The following EPB41 variants were observed in gnomAD, a reference collection of about 807,000 sequenced individuals.
EPB41 encodes erythrocyte membrane protein band 4.1.
A neutral mutation model predicts 108.0 loss-of-function variants in EPB41; 65 were observed. The ratio of observed to expected loss-of-function variants is 0.60; its 90% CI spans 0.49 to 0.74. The LOEUF (loss-of-function observed/expected upper bound fraction) is 0.74, where lower values mean the gene tolerates loss of function less well. Ranked by LOEUF, EPB41 falls within the 30% of genes least tolerant of loss-of-function variation. The pLI is 0.00. For synonymous variants in EPB41, 336 were observed against 358.9 expected (o/e 0.94, Z 0.72); for missense variants, 875 against 1,037.0 (o/e 0.84, Z 2.15).
intron 1 of EPB41, among the ~76,000 whole-genome samples, chr1:28,942,598 A>G (rs2094333656): frequency 6.6e-6 from 1 of 152,248 alleles, no homozygotes; most frequent in Non-Finnish European, 1.5e-5. Flanking sequence ...ACGATCTTAC[A>G]TGTGTTCAGC....
At chr1:29,060,981 G>A (rs931368659) in intron 15 of EPB41, among the ~76,000 whole-genome samples, 1 of 152,010 alleles carries the variant, frequency 6.6e-6, no homozygotes, top group Non-Finnish European at 1.5e-5. Context: ...AGGAAAGAGG[G>A]GAGCCTAGCA....
At chr1:29,019,513 G>T (rs2096616717) in intron 7 of EPB41, among the ~76,000 whole-genome samples, 2 of 152,134 alleles carry the variant, frequency 1.3e-5, no homozygotes, top group African/African-American at 2.4e-5. Flanking sequence ...ACTTGCTATA[G>T]CTTAGTTCTG....
chr1:29,060,584 A>G, intron 15 of EPB41, 100 bp downstream of exon 15: 1 of 1,031,640 alleles, frequency 9.7e-7, no homozygotes, highest in Non-Finnish European at 1.5e-6. Flanking sequence ...TTGGTTTTGC[A>G]TGCAATTGCA....
intron 3 of EPB41, among the ~76,000 whole-genome samples, chr1:28,994,975 A>G (rs1204082309): frequency 1.1e-5 from 1 of 92,106 alleles, no homozygotes; most frequent in Non-Finnish European, 2.1e-5. Flanking sequence ...TCTTAATCAC[A>G]TTATTTATTT....
chr1:29,079,154 C>T (rs1191874015), intron 16 of EPB41, among the ~76,000 whole-genome samples: 1 of 151,948 alleles, frequency 6.6e-6, no homozygotes, highest in Admixed American at 6.6e-5. Context: ...TGCCACCACG[C>T]TCAGCTAATT....
chr1:28,894,360 TA>T (rs2090449378), intron 1 of EPB41, among the ~76,000 whole-genome samples: 1 of 152,198 alleles, frequency 6.6e-6, no homozygotes, highest in African/African-American at 2.4e-5. Context: ...TGTATTGGAT[TA>T]AATGGCTAAT....
chr1:28,993,342 G>A lies in EPB41; in HGVS notation c.481G>A (p.Glu161Lys). The A allele has an allele frequency of 6.2e-7, 1 of 1,612,602 alleles. No individual in the cohort carries two copies. Among genetic ancestry groups the A allele is most frequent in the South Asian group, 1.1e-5 (1 of 90,984 alleles). The change falls in exon 3 of 21, where the codon GAA becomes AAA. Residue 161 changes from glutamate to lysine, a missense_variant. Glu to Lys is a moderately conservative substitution (Grantham distance 56). Around this residue, in one of 3 missense-constraint regions of EPB41, gnomAD observed 353 missense variants for 393.2 expected, o/e 0.90. Coordinates refer to ENST00000343067, the MANE Select transcript of EPB41 (RefSeq NM_001376013.1). Reference protein sequence around the residue: ...SSAETQPAQEELREDPDFEIK... With the variant: ...SSAETQPAQEKLREDPDFEIK... The stretch of plus-strand genomic sequence containing the variant: ...CATGGATATGTAGCCTGCTCAGGAA[G>A]AACTCAGAGAAGATCCAGATTTTGA...
chr1:28,995,805 G>A (rs1168437596), intron 3 of EPB41, among the ~76,000 whole-genome samples: 1 of 152,080 alleles, frequency 6.6e-6, no homozygotes, highest in Admixed American at 6.5e-5. Flanking sequence ...TTATGAATAA[G>A]GGATTAGGGA....
chr1:28,973,290 A>G (rs535318455), intron 1 of EPB41, among the ~76,000 whole-genome samples: 2 of 152,316 alleles, frequency 1.3e-5, no homozygotes, highest in East Asian at 3.9e-4. Flanking sequence ...AGTTTATAAT[A>G]TAGCCCTTCT....
At chr1:28,913,231 G>C (rs537553532), upstream of EPB41, among the ~76,000 whole-genome samples, 1 of 152,036 alleles carries the variant, frequency 6.6e-6, no homozygotes, top group South Asian at 2.1e-4. Flanking sequence ...GGCGGATCAC[G>C]AGGTCAGGAG....
intron 1 of EPB41, among the ~76,000 whole-genome samples, chr1:28,906,066 C>G (rs203297): frequency 0.43 from 64,823 of 151,870 alleles, 15,876 homozygotes; most frequent in East Asian, 0.85. Context: ...TGATCCACCT[C>G]CCTCGGCCTC....
intron 18 of EPB41, among the ~76,000 whole-genome samples, chr1:29,110,387 G>A (rs1349944663): frequency 6.6e-6 from 1 of 151,878 alleles, no homozygotes; most frequent in African/African-American, 2.4e-5. Flanking sequence ...TCAGCTTCAG[G>A]GAAATTATTT....
intron 11 of EPB41, among the ~76,000 whole-genome samples, chr1:29,051,742 CA>C (rs1644548314): frequency 6.6e-6 from 1 of 151,774 alleles, no homozygotes; most frequent in South Asian, 2.1e-4. Flanking sequence ...ACTAAAGATA[CA>C]AAAAATTAGC....
intron 17 of EPB41, among the ~76,000 whole-genome samples, chr1:29,106,563 G>GGTTTTTT (rs1558324414): frequency 8.1e-5 from 3 of 37,146 alleles, no homozygotes; most frequent in East Asian, 6.0e-4. Flanking sequence ...GAGTAGCTGG[G>GGTTTTTT]ATTTTTTTTT....
chr1:29,101,448 G>A (rs1335834356), intron 17 of EPB41, among the ~76,000 whole-genome samples: 1 of 152,172 alleles, frequency 6.6e-6, no homozygotes, highest in Non-Finnish European at 1.5e-5. Flanking sequence ...CTTAGTGTCA[G>A]TATGCTTCCC....
At chr1:29,070,959 T>C in intron 16 of EPB41, 1 of 186,916 alleles carries the variant, frequency 5.3e-6, no homozygotes. Flanking sequence ...CTATCCAATA[T>C]CTCACACAAA....
At chr1:28,996,634 T>C (rs982255930) in intron 3 of EPB41, among the ~76,000 whole-genome samples, 7 of 152,132 alleles carry the variant, frequency 4.6e-5, no homozygotes, top group African/African-American at 1.7e-4. Context: ...GGAAGGAAGG[T>C]AGAATTTTGC....
At chr1:29,092,682 T>G (rs1661720066) in intron 16 of EPB41, among the ~76,000 whole-genome samples, 3 of 152,218 alleles carry the variant, frequency 2.0e-5, no homozygotes, top group South Asian at 4.1e-4. Flanking sequence ...GGTTATTTTT[T>G]CTGATCCTCT....
intron 7 of EPB41, among the ~76,000 whole-genome samples, chr1:29,021,148 C>A (rs558566050): frequency 6.6e-6 from 1 of 152,294 alleles, no homozygotes; most frequent in Admixed American, 6.5e-5. Flanking sequence ...TTTATAACCA[C>A]CCTTTGAGTT....
Sources: gnomAD v4.1 joint callset for allele counts (sites outside exome capture counted in the v4.1 genomes callset) on GRCh38, gnomAD v4.1.1 for gene constraint, gnomAD v4.1.1 regional missense constraint, MANE v1.5 for transcripts, NCBI Gene and HGNC (gene_info 2026-07-23, HGNC 2026-07-21) for gene names.